RAPGEF1: variants seen among roughly 807,000 people sequenced by gnomAD.
RAPGEF1 encodes Rap guanine nucleotide exchange factor 1, also known as CRK SH3-binding GNRP.
In RAPGEF1, 33 loss-of-function variants were observed where a neutral mutation model predicts 143.3. The ratio of observed to expected loss-of-function variants is 0.23; its 90% confidence interval spans 0.17 to 0.31. RAPGEF1 has a LOEUF of 0.31. Ranked by LOEUF, RAPGEF1 falls within the 10% of genes least tolerant of loss-of-function variation. The pLI is 1.00. For missense variants in RAPGEF1, 1,199 were observed against 1,645.4 expected, an observed-to-expected ratio of 0.73 and a Z score of 4.69; for synonymous variants, 629 against 676.5, an observed-to-expected ratio of 0.93 and a Z score of 1.09.
intron 1 of RAPGEF1, chr9:131,737,291 C>G (rs1837480651): frequency 6.4e-7 from 1 of 1,554,136 alleles, no homozygotes; most frequent in South Asian, 1.1e-5. Flanking sequence ...CCTCTCTCCT[C>G]TTTCTCCCTG....
At chr9:131,608,918 C>T (rs1199424307) in intron 12 of RAPGEF1, among the ~76,000 whole-genome samples, 1 of 152,236 alleles carries the variant, frequency 6.6e-6, no homozygotes, top group African/African-American at 2.4e-5. Context: ...CACAGAAACG[C>T]CGCCTCATCA....
chr9:131,719,886 C>CT (rs34813794), intron 1 of RAPGEF1, among the ~76,000 whole-genome samples: 10,449 of 135,676 alleles, frequency 0.077, 675 homozygotes, highest in African/African-American at 0.17. Flanking sequence ...TTCTTTCTTT[C>CT]TTTTTTTTTT....
chr9:131,626,826 C>T (rs891269547), intron 9 of RAPGEF1, among the ~76,000 whole-genome samples: 40 of 152,310 alleles, frequency 2.6e-4, no homozygotes, highest in Non-Finnish European at 3.2e-4. Flanking sequence ...CTGAGGGCCA[C>T]GCGGTGGCTC....
At chr9:131,712,591 C>T (rs1358001718) in intron 1 of RAPGEF1, among the ~76,000 whole-genome samples, 2 of 152,148 alleles carry the variant, frequency 1.3e-5, no homozygotes, top group Admixed American at 6.5e-5. Context: ...CTCCTCCTGG[C>T]GCCTGTGCAC....
chr9:131,628,745 A>G lies in RAPGEF1; in HGVS notation c.894-73T>C, dbSNP rs1964024902. ...GCTCTTCAGCGTGATATTGGGGTAC[A>G]GGATGTGGGGTTCTTTCATTACTAG... On this transcript the variant is annotated intron_variant, in intron 7 of 26. Coordinates refer to ENST00000683357, the MANE Select transcript of RAPGEF1 (RefSeq NM_001377935.1). The surrounding 1 kb of genome is among the most constrained non-coding windows in gnomAD (Gnocchi z 5.7). The G allele has an allele frequency of 2.0e-6, 3 of 1,515,484 alleles. No individual in the cohort carries two copies. The highest frequency in any genetic ancestry group is 1.8e-6 in the Non-Finnish European group (2 of 1,126,454). The allele number at this position is 1,515,484 out of a possible 1,614,324, so 93.9% of individuals were successfully genotyped here.
At chr9:131,700,447 A>G (rs561796166) in intron 1 of RAPGEF1, among the ~76,000 whole-genome samples, 1 of 152,186 alleles carries the variant, frequency 6.6e-6, no homozygotes, top group Non-Finnish European at 1.5e-5. Context: ...AAAAGCCTAC[A>G]TATTATACTT....
At chr9:131,624,840 C>T (rs1962452105) in intron 10 of RAPGEF1, among the ~76,000 whole-genome samples, 1 of 152,242 alleles carries the variant, frequency 6.6e-6, no homozygotes, top group East Asian at 1.9e-4. Context: ...GCCAGCTCTC[C>T]CTCTAGCTGG....
chr9:131,619,538 C>A (rs897498630), intron 11 of RAPGEF1, among the ~76,000 whole-genome samples: 2 of 152,286 alleles, frequency 1.3e-5, no homozygotes, highest in African/African-American at 4.8e-5. Context: ...GGGAGTGGAT[C>A]CATGTGTCAT....
chr9:131,721,310 C>T (rs910783666), intron 1 of RAPGEF1, among the ~76,000 whole-genome samples: 11 of 152,156 alleles, frequency 7.2e-5, no homozygotes, highest in African/African-American at 2.4e-4. Flanking sequence ...AGGCAGAAGC[C>T]GGGAAGTGTG....
At chr9:131,739,294 C>G (rs1837602480) in intron 1 of RAPGEF1, among the ~76,000 whole-genome samples, 1 of 152,242 alleles carries the variant, frequency 6.6e-6, no homozygotes, top group Admixed American at 6.5e-5. Flanking sequence ...ACTCATCCAG[C>G]CTGCTTCCTT....
At chr9:131,658,833 T>C (rs756364721) in intron 1 of RAPGEF1, among the ~76,000 whole-genome samples, 2 of 152,268 alleles carry the variant, frequency 1.3e-5, no homozygotes, top group Non-Finnish European at 2.9e-5. Flanking sequence ...GGCTTAACAA[T>C]GGTCTCTGCC....
At chr9:131,716,424 T>C (rs1333932579) in intron 1 of RAPGEF1, among the ~76,000 whole-genome samples, 3 of 152,104 alleles carry the variant, frequency 2.0e-5, no homozygotes, top group South Asian at 2.1e-4. Context: ...AGGGAGAAAT[T>C]TGGAAGACTT....
chr9:131,631,444 G>A (rs1025647321), intron 5 of RAPGEF1, among the ~76,000 whole-genome samples: 1 of 152,196 alleles, frequency 6.6e-6, no homozygotes, highest in Non-Finnish European at 1.5e-5. Flanking sequence ...TGGGCGAGGC[G>A]CCTGCTGCTC....
intron 9 of RAPGEF1, among the ~76,000 whole-genome samples, chr9:131,627,638 A>G (rs1963646335): frequency 6.6e-6 from 1 of 152,146 alleles, no homozygotes; most frequent in African/African-American, 2.4e-5. Context: ...TGGTAAAGAG[A>G]GTCAAATTAC....
chr9:131,738,439 G>C (rs949140822), intron 1 of RAPGEF1, among the ~76,000 whole-genome samples: 1 of 152,068 alleles, frequency 6.6e-6, no homozygotes, highest in African/African-American at 2.4e-5. Context: ...ATGGTCACTC[G>C]GCAAGGCTGT....
At chr9:131,605,241 G>T (rs1485386121) in intron 12 of RAPGEF1, 53 bp from the exon 13 acceptor site, 9 of 1,216,412 alleles carry the variant, frequency 7.4e-6, no homozygotes, top group Non-Finnish European at 9.6e-6. Flanking sequence ...GAAGAAAAGA[G>T]AAAAAGTAAT....
chr9:131,629,342 G>A lies in RAPGEF1; in HGVS notation c.741-88C>T, dbSNP rs1008302342. 5 of 1,346,288 alleles carry A rather than the reference G, an allele frequency of 3.7e-6. No homozygotes were observed. The African/African-American group carries it at 5.8e-5, about 16-fold the overall frequency. 83.4% of individuals were successfully genotyped at this position (1,346,288 alleles called of 1,614,324 possible). A position where few individuals can be genotyped will look rare whatever the true frequency, so the allele number is the denominator to read the frequency against. ...CCCTGAGAGGGTGAGGACGTGACCAGGAAGAACACAGTGGGTGAGGTGGGG... is the reference window on the plus strand; with the variant it reads ...CCCTGAGAGGGTGAGGACGTGACCAAGAAGAACACAGTGGGTGAGGTGGGG... On this transcript the variant is annotated intron_variant, in intron 6 of 26. Transcript: ENST00000683357.
In RAPGEF1 at chr9:131,641,890, T is replaced by C. The variant is rs1179859620; in HGVS notation, c.494+1349A>G. Among the ~76,000 whole-genome samples, 3 of 152,256 alleles carry C rather than the reference T, an allele frequency of 2.0e-5. No individual in the cohort carries two copies. Among genetic ancestry groups the C allele is most frequent in the African/African-American group, 4.8e-5 (2 of 41,472 alleles). ...GGAAGCCCCAGGGCAGAGAGTTTCT[T>C]GTAAATAAAGACACTATTTGCTTTA... On this transcript the variant is annotated intron_variant, in intron 4 of 26. Coordinates refer to ENST00000683357, the MANE Select transcript of RAPGEF1 (RefSeq NM_001377935.1). This position sits in a 1 kb window ranked among gnomAD's most constrained non-coding sequence, Gnocchi z 4.6.
At chr9:131,646,874 T>C (rs886359575) in intron 3 of RAPGEF1, among the ~76,000 whole-genome samples, 4 of 152,110 alleles carry the variant, frequency 2.6e-5, no homozygotes, top group African/African-American at 7.3e-5. Flanking sequence ...AACACAGACA[T>C]TGGTTACAAT....
Sources: allele counts gnomAD v4.1 joint callset (sites outside exome capture counted in the v4.1 genomes callset), GRCh38; gene constraint gnomAD v4.1.1; non-coding constraint Gnocchi (gnomAD v3.1); transcripts MANE v1.5; gene names NCBI Gene and HGNC (gene_info 2026-07-23, HGNC 2026-07-21).